The following CERS6 variants were observed in gnomAD, a reference collection of about 807,000 sequenced individuals.
CERS6 encodes LAG1 homolog, ceramide synthase 6.
Under a neutral mutation model 56.8 loss-of-function variants are expected in CERS6, and 26 were observed. The observed-to-expected ratio is 0.46, with a 90% CI of 0.34 to 0.63. The LOEUF is 0.63. Ranked by LOEUF, CERS6 falls within the 30% of genes least tolerant of loss-of-function variation. CERS6 has a pLI of 0.01. For missense variants in CERS6, 415 were observed against 467.5 expected, an observed-to-expected ratio of 0.89 and a Z score of 1.04; for synonymous variants, 164 against 173.3, an observed-to-expected ratio of 0.95 and a Z score of 0.42.
chr2:168,608,125 A>G (rs1684098215), intron 3 of CERS6, among the ~76,000 whole-genome samples: 1 of 152,224 alleles, frequency 6.6e-6, no homozygotes, highest in African/African-American at 2.4e-5. Flanking sequence ...AGAACATTTC[A>G]TATAAGTGGA....
intron 3 of CERS6, among the ~76,000 whole-genome samples, chr2:168,617,494 C>T (rs903192939): frequency 1.3e-5 from 2 of 151,902 alleles, no homozygotes; most frequent in African/African-American, 4.8e-5. Context: ...GCAAGATTAA[C>T]CAAGAAAGGA....
rs753478893 is a variant in CERS6, at chr2:168,769,592, C to T, written c.1085C>T (p.Ala362Val). ...SEPPGKNPHTATTTNGTSGTN... is the reference protein window; with the variant it reads ...SEPPGKNPHTVTTTNGTSGTN... ...CCTCCGGGAAAGAATCCCCACACTG[C>T]GACAACCACCAATGGGACCAGTGGT... Residue 362 changes from alanine to valine, a missense_variant, in exon 10 of 10, where the codon GCG (alanine) becomes GTG (valine). Physicochemically the swap from Ala to Val is moderately conservative, Grantham distance 64 (BLOSUM62 0). Coordinates refer to ENST00000305747, the MANE Select transcript of CERS6 (RefSeq NM_203463.3). The T allele has an allele frequency of 1.4e-5, 22 of 1,612,178 alleles. No individual in the cohort carries two copies. In the Admixed American group the frequency reaches 2.2e-4, roughly 16 times the overall value.
intron 8 of CERS6, among the ~76,000 whole-genome samples, chr2:168,718,704 T>C (rs1323191941): frequency 6.6e-6 from 1 of 152,226 alleles, no homozygotes; most frequent in East Asian, 1.9e-4. Flanking sequence ...AGAATTTCTT[T>C]AGGTTGACCT....
chr2:168,518,741 A>G (rs1694926301), intron 1 of CERS6, among the ~76,000 whole-genome samples: 1 of 152,158 alleles, frequency 6.6e-6, no homozygotes, highest in African/African-American at 2.4e-5. Context: ...CCACAGTTCC[A>G]GCTGTCACTA....
At chr2:168,715,485 T>C (rs539818666) in intron 7 of CERS6, among the ~76,000 whole-genome samples, 1 of 152,286 alleles carries the variant, frequency 6.6e-6, no homozygotes, top group South Asian at 2.1e-4. Context: ...GTTTAGTTAC[T>C]AATGGAAACT....
intron 3 of CERS6, among the ~76,000 whole-genome samples, chr2:168,576,746 A>T (rs1405094568): frequency 6.6e-6 from 1 of 152,008 alleles, no homozygotes; most frequent in Non-Finnish European, 1.5e-5. Flanking sequence ...ATACACACAT[A>T]CATACATACA....
At chr2:168,709,957 G>A (rs924826227) in intron 6 of CERS6, among the ~76,000 whole-genome samples, 2 of 152,126 alleles carry the variant, frequency 1.3e-5, no homozygotes, top group Non-Finnish European at 1.5e-5. Flanking sequence ...TGTATAATGC[G>A]TTCTGAAGCA....
chr2:168,502,430 T>C (rs577552391), intron 1 of CERS6, among the ~76,000 whole-genome samples: 17 of 152,178 alleles, frequency 1.1e-4, no homozygotes, highest in Admixed American at 1.0e-3. Context: ...TATCCATAAG[T>C]GGAGAAGAAG....
intron 1 of CERS6, among the ~76,000 whole-genome samples, chr2:168,544,470 C>T (rs576662581): frequency 6.6e-6 from 1 of 152,226 alleles, no homozygotes; most frequent in East Asian, 1.9e-4. Flanking sequence ...TTCGTTAAGG[C>T]CTGGTCCTGC....
At chr2:168,707,312 T>G (rs1043298104) in intron 6 of CERS6, among the ~76,000 whole-genome samples, 4 of 152,166 alleles carry the variant, frequency 2.6e-5, no homozygotes, top group Admixed American at 6.5e-5. Flanking sequence ...GAAAAAAGTG[T>G]TGAAGTAGAT....
chr2:168,535,019 G>A (rs908011214), intron 1 of CERS6, among the ~76,000 whole-genome samples: 7 of 152,240 alleles, frequency 4.6e-5, no homozygotes, highest in Non-Finnish European at 1.0e-4. Flanking sequence ...CCGGTGTGTT[G>A]GGCTGTCGGG....
chr2:168,762,592 A>C (rs1002399860), intron 8 of CERS6, among the ~76,000 whole-genome samples: 1 of 152,178 alleles, frequency 6.6e-6, no homozygotes, highest in African/African-American at 2.4e-5. Context: ...CTATGTATAT[A>C]ATATATTAAT....
chr2:168,600,541 A>G (rs933254370), intron 3 of CERS6, among the ~76,000 whole-genome samples: 1 of 152,134 alleles, frequency 6.6e-6, no homozygotes, highest in East Asian at 1.9e-4. Context: ...AAATCCCTGA[A>G]AATCTATATC....
chr2:168,633,883 C>T (rs1000808542), intron 4 of CERS6, among the ~76,000 whole-genome samples: 1 of 152,202 alleles, frequency 6.6e-6, no homozygotes, highest in African/African-American at 2.4e-5. Flanking sequence ...GGAAAATTCT[C>T]ATAATACCAG....
intron 1 of CERS6, among the ~76,000 whole-genome samples, chr2:168,507,377 C>G (rs1341849639): frequency 6.6e-6 from 1 of 152,128 alleles, no homozygotes; most frequent in Non-Finnish European, 1.5e-5. Flanking sequence ...TAGTCTTTCT[C>G]TGTCTTTTGT....
chr2:168,483,106 G>A (rs1032227105), intron 1 of CERS6, among the ~76,000 whole-genome samples: 1 of 152,120 alleles, frequency 6.6e-6, no homozygotes, highest in Admixed American at 6.5e-5. Context: ...CAAAGATTAT[G>A]GTTAACATTT....
intron 1 of CERS6, among the ~76,000 whole-genome samples, chr2:168,533,309 G>A (rs1440674795): frequency 1.3e-5 from 2 of 151,862 alleles, no homozygotes; most frequent in East Asian, 3.9e-4. Context: ...TTTTTCTATT[G>A]TTTGGAACAG....
In CERS6 at chr2:168,701,870, A is replaced by C. The variant is rs145033276; in HGVS notation, c.609+6819A>C. Among the ~76,000 whole-genome samples the C allele has an allele frequency of 2.4e-3, 370 of 152,246 alleles. 2 individuals carry two copies. Among genetic ancestry groups the C allele is most frequent in the African/African-American group, 8.3e-3 (343 of 41,570 alleles). ...AATAAAATAAAAATAATTAAAAATAAAATAAAATTGTATATTTTTGTACAA... is the reference window on the plus strand; with the variant it reads ...AATAAAATAAAAATAATTAAAAATACAATAAAATTGTATATTTTTGTACAA... On this transcript the variant is annotated intron_variant, in intron 6 of 9. Transcript: ENST00000305747.
intron 8 of CERS6, among the ~76,000 whole-genome samples, chr2:168,734,135 C>A (rs79764439): frequency 1.3e-5 from 2 of 151,264 alleles, no homozygotes; most frequent in Admixed American, 1.3e-4. Context: ...CCTTCTAGTT[C>A]AAAAAAAATG....
Sources: gnomAD v4.1 joint callset for allele counts (sites outside exome capture counted in the v4.1 genomes callset) on GRCh38, gnomAD v4.1.1 for gene constraint, MANE v1.5 for transcripts, NCBI Gene and HGNC (gene_info 2026-07-23, HGNC 2026-07-21) for gene names.